Variants in CKM observed in about 807,000 individuals in gnomAD.
The protein encoded by CKM is creatine kinase, M-type.
Under a neutral mutation model 35.4 loss-of-function variants are expected in CKM, and 28 were observed. That is an observed-to-expected ratio of 0.79 (90% CI 0.59 to 1.08). The LOEUF is 1.08. Among genes scored for constraint, CKM ranks in the 50% least tolerant of loss-of-function variants. CKM has a pLI of 0.00. For synonymous variants in CKM, 215 were observed against 204.4 expected, an observed-to-expected ratio of 1.05 and a Z score of -0.44; for missense variants, 484 against 509.8, an observed-to-expected ratio of 0.95 and a Z score of 0.49.
intron 1 of CKM, among the ~76,000 whole-genome samples, chr19:45,322,196 C>T (rs1971219455): frequency 1.3e-5 from 2 of 151,598 alleles, no homozygotes; most frequent in South Asian, 2.1e-4. Flanking sequence ...CAGGAGAGGG[C>T]ACTGAGGCAG....
At position 45,313,507 on chromosome 19, in the gene CKM, G is replaced by A. The variant is rs140057638; in HGVS notation, c.482-1587C>T. Reference sequence around the variant, plus strand: ...CAGTTCATAACCTTACAATGGCCTCGAGGTGTTCAAGTGAAAGGAAGAGTC... The same window carrying A: ...CAGTTCATAACCTTACAATGGCCTCAAGGTGTTCAAGTGAAAGGAAGAGTC... On this transcript the variant is annotated intron_variant, in intron 4 of 7. Coordinates refer to ENST00000221476, the MANE Select transcript of CKM (RefSeq NM_001824.5). Among the ~76,000 whole-genome samples the A allele has an allele frequency of 5.4e-3, 826 of 152,214 alleles. 8 individuals are homozygous for A. Among genetic ancestry groups the A allele is most frequent in the African/African-American group, 0.018 (735 of 41,522 alleles).
chr19:45,319,588 C>T lies in CKM; in HGVS notation c.126G>A (p.Leu42=). 1 of 1,614,126 alleles carries T rather than the reference C, an allele frequency of 6.2e-7. No individual in the cohort carries two copies. Among genetic ancestry groups the T allele is most frequent in the Non-Finnish European group, 8.5e-7 (1 of 1,180,032 alleles). The change falls in exon 2 of 8, where the codon CTG becomes CTA. Residue 42 remains leucine, a synonymous_variant. Coordinates refer to ENST00000221476, the MANE Select transcript of CKM (RefSeq NM_001824.5). ...KVLTLELYKK[L]RDKETPSGFT... is the part of the protein sequence containing the mutation. ...AGCCAGATGGAGTCTCCTTGTCCCG[C>T]AGCTTCTTGTAGAGTTCAAGGGTCA...
Position 45,308,466 on chromosome 19 carries a change from C to T in CKM, c.720G>A (p.Met240Ile), listed in dbSNP as rs1197002494. Residue 240 changes from methionine (M) to isoleucine (I), a missense_variant, in exon 6 of 8, where the codon ATG (methionine) becomes ATA (isoleucine). Transcript: ENST00000221476. ...CCTCCTTCATGTTGCCCCCCTTCTC[C>T]ATGGAGATGACCCGGAGGTGATCCT... ...NEEDHLRVIS[M>I]EKGGNMKEVF... 2.5e-6 allele frequency: 4 copies of T among 1,614,056 alleles called. No homozygotes were observed. Among genetic ancestry groups the T allele is most frequent in the Admixed American group, 1.7e-5 (1 of 60,000 alleles).
At chr19:45,307,070 C>T (rs1458418194) in intron 7 of CKM, 142 bp from the exon 8 acceptor site, 1 of 782,056 alleles carries the variant, frequency 1.3e-6, no homozygotes, top group Non-Finnish European at 2.2e-6. Flanking sequence ...AATGCCTGTT[C>T]ATTCGTGAGC....
chr19:45,309,096 C>T (rs12976243), intron 5 of CKM, among the ~76,000 whole-genome samples: 28,119 of 151,490 alleles, frequency 0.19, 3,353 homozygotes, highest in Non-Finnish European at 0.27. Flanking sequence ...GGCATGGTGG[C>T]GGGCATCTGT....
chr19:45,316,146 A>G (rs1348034378), intron 3 of CKM, among the ~76,000 whole-genome samples: 1 of 151,988 alleles, frequency 6.6e-6, no homozygotes, highest in Non-Finnish European at 1.5e-5. Context: ...CTTGGCCAAC[A>G]TGGTGAAACC....
At chr19:45,319,792 C>G (rs1040287751) in intron 1 of CKM, 61 bp from the exon 2 acceptor site, 8 of 1,302,094 alleles carry the variant, frequency 6.1e-6, no homozygotes, top group Non-Finnish European at 1.1e-6. Context: ...TCTTCTTCTT[C>G]TTCTTTTTTT....
chr19:45,306,488 A>G lies in CKM; in HGVS notation c.*262T>C, dbSNP rs1045610254. The G allele has an allele frequency of 1.8e-5, 10 of 542,980 alleles. No individual in the cohort carries two copies. Among genetic ancestry groups the G allele is most frequent in the African/African-American group, 1.7e-4 (9 of 52,674 alleles). 33.6% of individuals were successfully genotyped at this position (542,980 alleles called of 1,614,324 possible). On this transcript the variant is annotated 3_prime_UTR_variant, in exon 8 of 8. Coordinates refer to ENST00000221476, the MANE Select transcript of CKM (RefSeq NM_001824.5). This position sits in a 1 kb window ranked among gnomAD's most constrained non-coding sequence, Gnocchi z 4.5. ...GCTCCGAGTGTGCTGGGAGCTCTCCATTAACTAGAGCTCCTGGTTGGGGTG... is the reference window on the plus strand; with the variant it reads ...GCTCCGAGTGTGCTGGGAGCTCTCCGTTAACTAGAGCTCCTGGTTGGGGTG...
intron 1 of CKM, among the ~76,000 whole-genome samples, chr19:45,321,850 T>A (rs969635558): frequency 8.6e-5 from 13 of 151,672 alleles, no homozygotes; most frequent in Non-Finnish European, 1.8e-4. Flanking sequence ...GAGACGGGGA[T>A]GGGAAGCAGG....
At position 45,307,578 on chromosome 19, in the gene CKM, G is replaced by A; in HGVS notation, c.850C>T (p.Pro284Ser). Reference sequence around the variant, plus strand: ...CGCAGCCCAGTGCCCAGGTTGGATGGGCAGGTGAGCACGTAGCCCAGGTGC... The same window carrying A: ...CGCAGCCCAGTGCCCAGGTTGGATGAGCAGGTGAGCACGTAGCCCAGGTGC... ...NQHLGYVLTC[P>S]SNLGTGLRGG... Residue 284 changes from proline (P) to serine (S), a missense_variant, in exon 7 of 8, where the codon CCA (proline) becomes TCA (serine). Coordinates refer to ENST00000221476, the MANE Select transcript of CKM (RefSeq NM_001824.5). The A allele has an allele frequency of 1.2e-6, 2 of 1,614,174 alleles. No homozygotes were observed. The highest frequency in any genetic ancestry group is 2.2e-5 in the South Asian group (2 of 91,074).
chr19:45,322,406 G>C (rs977050205), intron 1 of CKM, among the ~76,000 whole-genome samples: 1 of 152,200 alleles, frequency 6.6e-6, no homozygotes, highest in Non-Finnish European at 1.5e-5. Flanking sequence ...CAAACGCAAA[G>C]AAAGCCTGCG....
chr19:45,316,859 G>C (rs1971163260), intron 3 of CKM, among the ~76,000 whole-genome samples: 2 of 151,224 alleles, frequency 1.3e-5, no homozygotes, highest in East Asian at 3.9e-4. Flanking sequence ...GCTAATTTTT[G>C]TATTTTTAAT....
Position 45,322,671 on chromosome 19 carries a change from G to A in CKM, c.-19+150C>T, listed in dbSNP as rs1971224217. On this transcript the variant is annotated intron_variant, in intron 1 of 7. Coordinates refer to ENST00000221476, the MANE Select transcript of CKM (RefSeq NM_001824.5). ...GGAGGGGCCTCCCAGACACACAAGG[G>A]TCAACCTTCCCACGCACCGACCTGC... 4 of 332,260 alleles carry A rather than the reference G, an allele frequency of 1.2e-5. No individual in the cohort carries two copies. The South Asian group carries it at 3.6e-4, about 30-fold the overall frequency. 20.6% of individuals were successfully genotyped at this position (332,260 alleles called of 1,614,324 possible). A position where few individuals can be genotyped will look rare whatever the true frequency, so the allele number is the denominator to read the frequency against.
intron 1 of CKM, among the ~76,000 whole-genome samples, chr19:45,321,063 A>ATTTTTTTTTTTTTTTT (rs35089528): frequency 2.1e-5 from 3 of 142,670 alleles, no homozygotes; most frequent in Admixed American, 7.0e-5. Context: ...ACACCTGGCT[A>ATTTTTTTTTTTTTTTT]TTTTTTTTTT....
intron 6 of CKM, 134 bp from the exon 7 acceptor site, chr19:45,307,784 G>A (rs565328498): frequency 1.4e-6 from 1 of 706,416 alleles, no homozygotes; most frequent in South Asian, 1.7e-5. Flanking sequence ...CAGGGAGGTA[G>A]GAGATTCCGA....
chr19:45,306,414 A>G lies in CKM; in HGVS notation c.*336T>C. ...CCCTCAATAACTATCGCACAAAGCT[A>G]AGGCCACCAATGCTTTTATTTATCG... On this transcript the variant is annotated 3_prime_UTR_variant, in exon 8 of 8. Transcript: ENST00000221476. The surrounding 1 kb of genome is among the most constrained non-coding windows in gnomAD (Gnocchi z 4.5). 2 of 385,524 alleles carry G rather than the reference A, an allele frequency of 5.2e-6. No individual in the cohort carries two copies. The highest frequency in any genetic ancestry group is 4.9e-6 in the Non-Finnish European group (1 of 204,046). The allele number at this position is 385,524 out of a possible 1,614,324, so 23.9% of individuals were successfully genotyped here.
At chr19:45,320,439 C>T (rs545761194) in intron 1 of CKM, among the ~76,000 whole-genome samples, 2 of 152,318 alleles carry the variant, frequency 1.3e-5, no homozygotes, top group South Asian at 2.1e-4. Flanking sequence ...CTGGGCAAGG[C>T]GTTGGGGTCA....
chr19:45,320,895 A>ATTATTT (rs771681616), intron 1 of CKM, among the ~76,000 whole-genome samples: 11,866 of 151,132 alleles, frequency 0.079, 586 homozygotes, highest in Non-Finnish European at 0.089. Flanking sequence ...AGCTGCTATT[A>ATTATTT]TTATTATTAT....
intron 1 of CKM, among the ~76,000 whole-genome samples, chr19:45,322,415 C>T (rs757800480): frequency 1.1e-4 from 16 of 152,196 alleles, no homozygotes; most frequent in Admixed American, 5.9e-4. Flanking sequence ...AGAAAGCCTG[C>T]GACACCTGCT....
Sources: allele counts gnomAD v4.1 joint callset (sites outside exome capture counted in the v4.1 genomes callset), GRCh38; gene constraint gnomAD v4.1.1; non-coding constraint Gnocchi (gnomAD v3.1); transcripts MANE v1.5; gene names NCBI Gene and HGNC (gene_info 2026-07-23, HGNC 2026-07-21).